The following ZDHHC13 variants were observed in gnomAD, a reference collection of about 807,000 sequenced individuals.
ZDHHC13 encodes zDHHC palmitoyltransferase 13.
ZDHHC13 carries 85 observed loss-of-function variants against 86.0 expected under a neutral mutation model. The observed-to-expected ratio is 0.99, with a 90% confidence interval of 0.83 to 1.18. The LOEUF (loss-of-function observed/expected upper bound fraction) is 1.18. ZDHHC13 is among the 50% of genes most tolerant of loss of function. ZDHHC13 has a pLI of 0.00. For missense variants in ZDHHC13, 711 were observed against 730.2 expected (o/e 0.97, Z 0.30); for synonymous variants, 263 against 246.4 (o/e 1.07, Z -0.63).
chr11:19,155,852 G>T lies in ZDHHC13; in HGVS notation c.930G>T (p.Leu310Phe). Residue 310 changes from leucine (L) to phenylalanine (F), a missense_variant, in exon 9 of 17, where the codon TTG (leucine) becomes TTT (phenylalanine). Transcript: ENST00000446113. Reference protein sequence around the residue: ...VITMWAIGYILDFNSDSWLLK... With the variant: ...VITMWAIGYIFDFNSDSWLLK... ...CCATGTGGGCTATTGGATACATATT[G>T]GACTTCAATTCAGATTCTTGGCTTT... 6.2e-7 allele frequency: 1 copy of T among 1,612,878 alleles called. No individual in the cohort carries two copies. The highest frequency in any genetic ancestry group is 1.1e-5 in the South Asian group (1 of 90,818).
At chr11:19,168,991 C>T (rs975311830) in intron 14 of ZDHHC13, 1 of 985,328 alleles carries the variant, frequency 1.0e-6, no homozygotes, top group Non-Finnish European at 1.2e-6. Context: ...CCATTAGCCA[C>T]TGGCCAGCTG....
chr11:19,175,303 T>C (rs191542972), intron 16 of ZDHHC13, among the ~76,000 whole-genome samples: 2,182 of 143,218 alleles, frequency 0.015, 54 homozygotes, highest in African/African-American at 0.054. Flanking sequence ...GGCAGGAGAA[T>C]GGCGTGAACC....
chr11:19,160,862 C>T (rs999270774), intron 10 of ZDHHC13, among the ~76,000 whole-genome samples: 2 of 151,572 alleles, frequency 1.3e-5, no homozygotes, highest in African/African-American at 4.9e-5. Flanking sequence ...GTTAGTGGGT[C>T]GTGGAAGAAT....
intron 1 of ZDHHC13, among the ~76,000 whole-genome samples, chr11:19,121,567 T>G (rs1338956680): frequency 1.3e-5 from 2 of 152,230 alleles, no homozygotes; most frequent in Non-Finnish European, 2.9e-5. Flanking sequence ...TAGGTGTTCT[T>G]TATATTTCCC....
At position 19,117,362 on chromosome 11, in the gene ZDHHC13, C is replaced by G; in HGVS notation, c.27+86C>G. The G allele has an allele frequency of 2.3e-6, 3 of 1,318,122 alleles. No individual in the cohort carries two copies. Among genetic ancestry groups the G allele is most frequent in the South Asian group, 1.6e-5 (1 of 61,774 alleles). 81.7% of individuals were successfully genotyped at this position (1,318,122 alleles called of 1,614,324 possible). Reference sequence around the variant, plus strand: ...AAAGGATGGTGTGGGTGAGAGGCCGCTCGATGAGGGGGTTTCGGGAGCGGC... The same window carrying G: ...AAAGGATGGTGTGGGTGAGAGGCCGGTCGATGAGGGGGTTTCGGGAGCGGC... On this transcript the variant is annotated intron_variant, in intron 1 of 16. Transcript: ENST00000446113. The surrounding 1 kb of genome is among the most constrained non-coding windows in gnomAD (Gnocchi z 4.2).
At chr11:19,117,125 G>A (rs1848660190), upstream of ZDHHC13, 1 of 1,047,034 alleles carries the variant, frequency 9.6e-7, no homozygotes, top group Admixed American at 2.1e-5. This position sits in a 1 kb window ranked among gnomAD's most constrained non-coding sequence, Gnocchi z 4.2. Context: ...CACGAGCGGG[G>A]ACCGCAGCGG....
At chr11:19,172,050 A>C (rs889399647) in intron 15 of ZDHHC13, among the ~76,000 whole-genome samples, 3 of 152,070 alleles carry the variant, frequency 2.0e-5, no homozygotes, top group Admixed American at 2.0e-4. Context: ...CCTCTGCATT[A>C]GGTATTTGAT....
intron 8 of ZDHHC13, 129 bp downstream of exon 8, chr11:19,152,813 TC>T: frequency 1.4e-6 from 2 of 1,401,408 alleles, no homozygotes; most frequent in Non-Finnish European, 9.7e-7. Context: ...ACTATATCTT[TC>T]CCCCGCATCC....
chr11:19,168,170 G>C (rs1383006121), intron 14 of ZDHHC13: 1 of 152,168 alleles, frequency 6.6e-6, no homozygotes, highest in Non-Finnish European at 1.5e-5. Context: ...GACAGCGCTT[G>C]GTTCTATTGA....
In ZDHHC13 at chr11:19,133,557, A is replaced by G. The variant is rs79154488; in HGVS notation, c.28-9421A>G. On this transcript the variant is annotated intron_variant, in intron 1 of 16. Coordinates refer to ENST00000446113, the MANE Select transcript of ZDHHC13 (RefSeq NM_019028.3). ...ATGTTACTGTATTGGAATGTTATAC[A>G]GCAATGAAAATGAACCTGTTGTAGC... 6.3e-3 allele frequency among the ~76,000 whole-genome samples: 963 copies of G among 152,276 alleles called. 9 individuals are homozygous for G. Among genetic ancestry groups the G allele is most frequent in the African/African-American group, 0.022 (908 of 41,526 alleles).
rs1849461157 is a variant in ZDHHC13 at position 19,146,240 on chromosome 11, C to T, written c.233C>T (p.Pro78Leu). Residue 78 changes from proline to leucine, a missense_variant, in exon 3 of 17, where the codon CCA becomes CTA. Transcript: ENST00000446113. ...LVEAGYDVRQ[P>L]DKENVSLLHW... ...GAAGCAGGATATGATGTCAGGCAACCAGATAAAGAAAATGTGTCGCTTCTT... is the reference window on the plus strand; with the variant it reads ...GAAGCAGGATATGATGTCAGGCAACTAGATAAAGAAAATGTGTCGCTTCTT... 3 of 1,612,262 alleles carry T rather than the reference C, an allele frequency of 1.9e-6. No homozygotes were observed. In the South Asian group the frequency reaches 3.3e-5, roughly 18 times the overall value.
At chr11:19,130,774 G>A (rs143445456) in intron 1 of ZDHHC13, among the ~76,000 whole-genome samples, 1 of 151,928 alleles carries the variant, frequency 6.6e-6, no homozygotes, top group Non-Finnish European at 1.5e-5. Context: ...CCTTATGTCT[G>A]ATGAGAAGTC....
intron 5 of ZDHHC13, among the ~76,000 whole-genome samples, chr11:19,149,576 TTTC>T (rs949102466): frequency 6.6e-6 from 1 of 152,218 alleles, no homozygotes; most frequent in African/African-American, 2.4e-5. Flanking sequence ...GGTAATAGTT[TTTC>T]TTATGAACCC....
intron 1 of ZDHHC13, among the ~76,000 whole-genome samples, chr11:19,128,083 G>A (rs536515569): frequency 6.6e-6 from 1 of 152,280 alleles, no homozygotes; most frequent in South Asian, 2.1e-4. Context: ...CTATCCGGGA[G>A]CATGGGATGT....
intron 15 of ZDHHC13, among the ~76,000 whole-genome samples, chr11:19,172,410 A>G (rs2133485440): frequency 6.6e-6 from 1 of 152,288 alleles, no homozygotes; most frequent in East Asian, 1.9e-4. Flanking sequence ...AAATCCTTAA[A>G]ATAATATGAT....
chr11:19,132,102 G>A (rs754539407), intron 1 of ZDHHC13, among the ~76,000 whole-genome samples: 8 of 151,994 alleles, frequency 5.3e-5, no homozygotes, highest in Admixed American at 2.6e-4. Flanking sequence ...GCTATGGATC[G>A]CATTTTTCTT....
chr11:19,176,107 A>G lies in ZDHHC13; in HGVS notation c.*147A>G, dbSNP rs892262076. The G allele has an allele frequency of 3.9e-6, 3 of 770,224 alleles. No homozygotes were observed. Among genetic ancestry groups the G allele is most frequent in the Non-Finnish European group, 5.6e-6 (3 of 535,906 alleles). The allele number at this position is 770,224 out of a possible 1,614,324, so 47.7% of individuals were successfully genotyped here. A position where few individuals can be genotyped will look rare whatever the true frequency, so the allele number is the denominator to read the frequency against. Reference sequence around the variant, plus strand: ...AGCCATTAGGTAAAAAAAGTTCTCAATAAAGGCATTACAATTTTTTAGGTT... The same window carrying G: ...AGCCATTAGGTAAAAAAAGTTCTCAGTAAAGGCATTACAATTTTTTAGGTT... On this transcript the variant is annotated 3_prime_UTR_variant, in exon 17 of 17. Transcript: ENST00000446113.
chr11:19,120,705 T>G (rs1273591567), intron 1 of ZDHHC13, among the ~76,000 whole-genome samples: 1 of 152,244 alleles, frequency 6.6e-6, no homozygotes. Flanking sequence ...TGGAGGACAG[T>G]GAGCTAGCTA....
In ZDHHC13 at chr11:19,145,098, G is replaced by A. The variant is rs148995494; in HGVS notation, c.174-1083G>A. On this transcript the variant is annotated intron_variant, in intron 2 of 16. Coordinates refer to ENST00000446113, the MANE Select transcript of ZDHHC13 (RefSeq NM_019028.3). The stretch of plus-strand genomic sequence containing the variant: ...CACTCCAGCCTGGGCGACAAAGCAA[G>A]ACTCCATCTCAAAAAAAAAAAAATA... Among the ~76,000 whole-genome samples the A allele has an allele frequency of 6.9e-3, 1,041 of 150,880 alleles. 9 individuals are homozygous for A. Among genetic ancestry groups the A allele is most frequent in the African/African-American group, 0.024 (982 of 41,158 alleles).
Sources: allele counts gnomAD v4.1 joint callset (sites outside exome capture counted in the v4.1 genomes callset), GRCh38; gene constraint gnomAD v4.1.1; non-coding constraint Gnocchi (gnomAD v3.1); transcripts MANE v1.5; gene names NCBI Gene and HGNC (gene_info 2026-07-23, HGNC 2026-07-21).